The following GRID2 variants were observed in gnomAD, a reference collection of about 807,000 sequenced individuals.
The protein encoded by GRID2 is glutamate ionotropic receptor delta type subunit 2.
In GRID2, 33 loss-of-function variants were observed where a neutral mutation model predicts 114.8. The observed-to-expected ratio is 0.29, with a 90% CI of 0.22 to 0.38. GRID2 has a LOEUF of 0.38. Ranked by LOEUF, GRID2 falls within the 10% of genes least tolerant of loss-of-function variation. GRID2 has a pLI of 1.00. For missense variants in GRID2, 1,184 were observed against 1,257.7 expected (o/e 0.94, Z 0.89); for synonymous variants, 505 against 449.9 (o/e 1.12, Z -1.55).
chr4:92,519,850 A>G (rs1331211970), intron 1 of GRID2, among the ~76,000 whole-genome samples: 1 of 151,798 alleles, frequency 6.6e-6, no homozygotes, highest in Non-Finnish European at 1.5e-5. Flanking sequence ...AGGCTCAAAT[A>G]GAGTCTAGGC....
At chr4:93,175,603 C>G (rs1444478730) in intron 4 of GRID2, among the ~76,000 whole-genome samples, 1 of 151,824 alleles carries the variant, frequency 6.6e-6, no homozygotes, top group African/African-American at 2.4e-5. Flanking sequence ...AAATTTTGGT[C>G]AAGGGATTTA....
chr4:93,558,698 C>T (rs1398815575), intron 13 of GRID2, among the ~76,000 whole-genome samples: 1 of 152,058 alleles, frequency 6.6e-6, no homozygotes, highest in Non-Finnish European at 1.5e-5. Context: ...CTATTCCAAA[C>T]AATAGAAAAC....
chr4:93,656,681 T>C (rs537953336), intron 14 of GRID2, among the ~76,000 whole-genome samples: 1 of 145,000 alleles, frequency 6.9e-6, no homozygotes, highest in East Asian at 2.0e-4. Flanking sequence ...ATACAAAAAA[T>C]TAGCCAGGCA....
At chr4:92,696,093 A>G (rs1734412491) in intron 2 of GRID2, among the ~76,000 whole-genome samples, 1 of 152,184 alleles carries the variant, frequency 6.6e-6, no homozygotes, top group Non-Finnish European at 1.5e-5. Context: ...GAAAAAGTAC[A>G]TAAAATTTAA....
intron 2 of GRID2, among the ~76,000 whole-genome samples, chr4:92,678,170 T>C (rs1205011296): frequency 1.3e-5 from 2 of 152,162 alleles, no homozygotes; most frequent in African/African-American, 2.4e-5. Context: ...TCACTGAATA[T>C]TTTTTATTGC....
intron 4 of GRID2, among the ~76,000 whole-genome samples, chr4:93,205,000 C>T (rs906326883): frequency 6.6e-6 from 1 of 152,070 alleles, no homozygotes; most frequent in Non-Finnish European, 1.5e-5. Context: ...TAGTGGTTTA[C>T]CCCCTTGTAC....
chr4:92,653,245 C>A (rs956927473), intron 2 of GRID2, among the ~76,000 whole-genome samples: 1 of 150,004 alleles, frequency 6.7e-6, no homozygotes, highest in Admixed American at 6.7e-5. Flanking sequence ...TGATCCAGCC[C>A]CGCTCGGCCT....
chr4:92,369,992 T>C (rs1201946715), intron 1 of GRID2, among the ~76,000 whole-genome samples: 1 of 152,184 alleles, frequency 6.6e-6, no homozygotes, highest in Non-Finnish European at 1.5e-5. Context: ...CTTCACTTTA[T>C]TGCACTTTAC....
intron 14 of GRID2, among the ~76,000 whole-genome samples, chr4:93,724,775 C>T (rs1189710327): frequency 2.0e-5 from 3 of 151,768 alleles, no homozygotes; most frequent in Non-Finnish European, 4.4e-5. Context: ...TGTTCCAGAG[C>T]TTATTTTTGT....
chr4:92,578,170 A>G (rs1727997878), intron 1 of GRID2, among the ~76,000 whole-genome samples: 1 of 147,974 alleles, frequency 6.8e-6, no homozygotes, highest in African/African-American at 2.5e-5. Flanking sequence ...CACAACGTGC[A>G]GGTTAGTTAC....
chr4:93,217,604 G>C (rs919278000), intron 6 of GRID2, among the ~76,000 whole-genome samples: 1 of 151,660 alleles, frequency 6.6e-6, no homozygotes. Context: ...TCAATCTGAA[G>C]GGGGTGTTAC....
chr4:92,704,164 G>A (rs1179641080), intron 2 of GRID2, among the ~76,000 whole-genome samples: 1 of 152,100 alleles, frequency 6.6e-6, no homozygotes, highest in African/African-American at 2.4e-5. Flanking sequence ...TGTAGTCCCA[G>A]CTACTCAGGA....
intron 10 of GRID2, among the ~76,000 whole-genome samples, chr4:93,433,899 C>T (rs1201736941): frequency 6.6e-6 from 1 of 152,154 alleles, no homozygotes; most frequent in East Asian, 1.9e-4. Context: ...CTATGGTTTA[C>T]TGCAAAAGCT....
At chr4:93,233,442 A>G (rs1746387415) in intron 7 of GRID2, among the ~76,000 whole-genome samples, 1 of 151,506 alleles carries the variant, frequency 6.6e-6, no homozygotes, top group African/African-American at 2.4e-5. Flanking sequence ...TCCTGGGTTC[A>G]AGTGATTCTT....
chr4:93,128,358 AAG>A (rs1388545550), intron 4 of GRID2, among the ~76,000 whole-genome samples: 1 of 152,172 alleles, frequency 6.6e-6, no homozygotes, highest in Non-Finnish European at 1.5e-5. Context: ...GAGAGAGAAA[AAG>A]AGAGAGGAAG....
chr4:92,985,555 A>T (rs1458722755), intron 2 of GRID2, among the ~76,000 whole-genome samples: 1 of 152,012 alleles, frequency 6.6e-6, no homozygotes, highest in African/African-American at 2.4e-5. Context: ...TATTTTTTAT[A>T]TGGTCTCCTT....
intron 2 of GRID2, among the ~76,000 whole-genome samples, chr4:92,664,747 T>C (rs892722370): frequency 2.0e-5 from 3 of 151,292 alleles, no homozygotes; most frequent in African/African-American, 7.3e-5. Flanking sequence ...CATATCTTCA[T>C]GCAGTGTTGA....
intron 10 of GRID2, among the ~76,000 whole-genome samples, chr4:93,437,174 C>G (rs954613844): frequency 1.3e-5 from 2 of 152,086 alleles, no homozygotes; most frequent in Admixed American, 6.6e-5. Flanking sequence ...CTTACTTATT[C>G]CTGACACAGT....
intron 2 of GRID2, among the ~76,000 whole-genome samples, chr4:92,784,251 CAT>C (rs1432857293): frequency 2.0e-5 from 3 of 151,896 alleles, no homozygotes; most frequent in Non-Finnish European, 4.4e-5. Context: ...TTTCCAACCT[CAT>C]ATGAAATTTC....
Sources: gnomAD v4.1 joint callset for allele counts (sites outside exome capture counted in the v4.1 genomes callset) on GRCh38, gnomAD v4.1.1 for gene constraint, MANE v1.5 for transcripts, NCBI Gene and HGNC (gene_info 2026-07-23, HGNC 2026-07-21) for gene names.